VSIG10L: variants seen among roughly 807,000 people sequenced by gnomAD.
The protein encoded by VSIG10L is V-set and immunoglobulin domain-containing protein 10-like.
VSIG10L carries 63 observed loss-of-function variants against 67.3 expected under a neutral mutation model. That is an observed-to-expected ratio of 0.94 (90% CI 0.76 to 1.15). The LOEUF is 1.15. VSIG10L is among the 50% of genes most tolerant of loss of function. The pLI is 0.00. For missense variants in VSIG10L, 1,050 were observed against 1,177.5 expected (o/e 0.89, Z 1.58); for synonymous variants, 499 against 524.9 (o/e 0.95, Z 0.67).
In VSIG10L at chr19:51,341,922, C is replaced by T; in HGVS notation, c.126G>A (p.Lys42=). Residue 42 remains lysine (K), a synonymous_variant, in exon 2 of 10, where the codon AAG becomes AAA. Transcript: ENST00000335624. The part of the protein sequence containing the change: ...NFSSAFSSDS[K]SSSQGLGVEV... Reference sequence around the variant, plus strand: ...CCACACCCAGCCCCTGGGAAGAGCTCTTTGAGTCTGAAGAGAAGGCAGAGG... The same window carrying T: ...CCACACCCAGCCCCTGGGAAGAGCTTTTTGAGTCTGAAGAGAAGGCAGAGG... 1 of 1,551,656 alleles carries T rather than the reference C, an allele frequency of 6.4e-7. No individual in the cohort carries two copies. Among genetic ancestry groups the T allele is most frequent in the Non-Finnish European group, 8.7e-7 (1 of 1,146,986 alleles).
rs1384998754 is a variant in VSIG10L at position 51,337,307 on chromosome 19, T to C, written c.2236A>G (p.Thr746Ala). 6.4e-7 allele frequency: 1 copy of C among 1,551,342 alleles called. No individual in the cohort carries two copies. The highest frequency in any genetic ancestry group is 8.7e-7 in the Non-Finnish European group (1 of 1,146,944). Residue 746 changes from threonine to alanine, a missense_variant, in exon 7 of 10, where the codon ACC becomes GCC. Around this residue, in one of 3 missense-constraint regions of VSIG10L, gnomAD observed 529 missense variants for 584.9 expected, o/e 0.90. Coordinates refer to ENST00000335624, the MANE Select transcript of VSIG10L (RefSeq NM_001163922.3). The part of the protein sequence containing the change: ...PLPPRNPGTW[T>A]FRILPILGGQ... Reference sequence around the variant, plus strand: ...CCCAGGATGGGCAGGATCCGAAAGGTCCAGGTCCCTGGGTTCCGAGGTGGA... The same window carrying C: ...CCCAGGATGGGCAGGATCCGAAAGGCCCAGGTCCCTGGGTTCCGAGGTGGA...
chr19:51,338,896 A>G lies in VSIG10L; in HGVS notation c.1721T>C (p.Val574Ala). 7.1e-7 allele frequency: 1 copy of G among 1,408,890 alleles called. No homozygotes were observed. Among genetic ancestry groups the G allele is most frequent in the African/African-American group, 1.5e-5 (1 of 66,084 alleles). The allele number at this position is 1,408,890 out of a possible 1,614,324, so 87.3% of individuals were successfully genotyped here. ...GCCCCGCGCCCTCTCACCCGGCGTGACTGTGCAGGTACGCGTGGCCACCAG... is the reference window on the plus strand; with the variant it reads ...GCCCCGCGCCCTCTCACCCGGCGTGGCTGTGCAGGTACGCGTGGCCACCAG... ...RHLVATRTCT[V>A]TPEAPREVLL... is the part of the protein sequence containing the mutation. Residue 574 changes from valine to alanine, a missense_variant, in exon 5 of 10, where the codon GTC becomes GCC. Val to Ala is a moderately conservative substitution (Grantham distance 64). This residue lies in a region of VSIG10L where 529 missense variants were observed against 584.9 expected (regional missense o/e 0.90). Coordinates refer to ENST00000335624, the MANE Select transcript of VSIG10L (RefSeq NM_001163922.3).
intron 7 of VSIG10L, among the ~76,000 whole-genome samples, chr19:51,335,482 TA>T (rs1398779326): frequency 1.3e-5 from 2 of 152,122 alleles, no homozygotes. Flanking sequence ...TGCTGGCAAT[TA>T]GGATGTCAGG....
rs867834917 is a variant in VSIG10L at position 51,342,046 on chromosome 19, A to C, written c.40+39T>G. 2 of 1,551,754 alleles carry C rather than the reference A, an allele frequency of 1.3e-6. No individual in the cohort carries two copies. The highest frequency in any genetic ancestry group is 1.4e-5 in the African/African-American group (1 of 73,144). On this transcript the variant is annotated intron_variant, in intron 1 of 9. Transcript: ENST00000335624. The surrounding 1 kb of genome is among the most constrained non-coding windows in gnomAD (Gnocchi z 4.4). Reference sequence around the variant, plus strand: ...AGGAAGGCATTGGGGGAGGCTGCTGAGGGAGACTGACAGGGAAGGGACTGA... The same window carrying C: ...AGGAAGGCATTGGGGGAGGCTGCTGCGGGAGACTGACAGGGAAGGGACTGA...
At chr19:51,334,930 C>T (rs1462137660) in intron 7 of VSIG10L, among the ~76,000 whole-genome samples, 1 of 152,074 alleles carries the variant, frequency 6.6e-6, no homozygotes, top group Non-Finnish European at 1.5e-5. Flanking sequence ...CAAAGTGAGA[C>T]CTTCTCTCAA....
In VSIG10L at chr19:51,339,744, G is replaced by C. The variant is rs1394954161; in HGVS notation, c.1474+271C>G. On this transcript the variant is annotated intron_variant, in intron 4 of 9. Coordinates refer to ENST00000335624, the MANE Select transcript of VSIG10L (RefSeq NM_001163922.3). Reference sequence around the variant, plus strand: ...CTCTCAGTGCTGGGCCGGCCCGTCAGTCCTGGTCATCCCTGCCACTCTATT... The same window carrying C: ...CTCTCAGTGCTGGGCCGGCCCGTCACTCCTGGTCATCCCTGCCACTCTATT... 1.5e-5 allele frequency: 5 copies of C among 338,250 alleles called. No homozygotes were observed. In the Middle Eastern group the frequency reaches 2.5e-3, roughly 169 times the overall value. The allele number at this position is 338,250 out of a possible 1,614,324, so 21.0% of individuals were successfully genotyped here.
intron 7 of VSIG10L, among the ~76,000 whole-genome samples, chr19:51,334,641 A>G (rs980745010): frequency 2.0e-5 from 3 of 152,186 alleles, no homozygotes; most frequent in African/African-American, 7.2e-5. Context: ...AGAAAAAGTG[A>G]TGTGATAGAG....
chr19:51,332,532 C>A lies in VSIG10L; in HGVS notation c.*79G>T, dbSNP rs1046109563. On this transcript the variant is annotated 3_prime_UTR_variant, in exon 10 of 10. Transcript: ENST00000335624. ...GCTGGAGTGAAATAGGAAGTTCTGGCCCAAAACGCCCTGTGCAGGGCAGAC... is the reference window on the plus strand; with the variant it reads ...GCTGGAGTGAAATAGGAAGTTCTGGACCAAAACGCCCTGTGCAGGGCAGAC... The A allele has an allele frequency of 7.9e-6, 12 of 1,519,054 alleles. No individual in the cohort carries two copies. The Admixed American group carries it at 9.8e-5, about 12-fold the overall frequency. 94.1% of individuals were successfully genotyped at this position (1,519,054 alleles called of 1,614,324 possible).
Position 51,337,343 on chromosome 19 carries a change from C to A in VSIG10L, c.2200G>T (p.Val734Leu), listed in dbSNP as rs201902240. Residue 734 changes from valine (V) to leucine (L), a missense_variant, in exon 7 of 10, where the codon GTG becomes TTG. By Grantham distance (32) the Val-to-Leu change is conservative. This residue lies in a region of VSIG10L where 529 missense variants were observed against 584.9 expected (regional missense o/e 0.90). Transcript: ENST00000335624. ...GGGTTCCGAGGTGGAAGGGGCACCA[C>A]GGCTGACCGCTCCTGAGGCCCCAGG... ...LILGPQERSA[V>L]VPLPPRNPGT... 15 of 1,551,448 alleles carry A rather than the reference C, an allele frequency of 9.7e-6. No homozygotes were observed. In the African/African-American group the frequency reaches 1.9e-4, roughly 20 times the overall value.
rs1335089162 is a variant in VSIG10L, at chr19:51,337,472, C to T, written c.2071G>A (p.Val691Met). The change falls in exon 7 of 10, where the codon GTG becomes ATG. Residue 691 changes from valine (V) to methionine (M), a missense_variant. Val to Met is a conservative substitution (Grantham distance 21). Around this residue, in one of 3 missense-constraint regions of VSIG10L, gnomAD observed 529 missense variants for 584.9 expected, o/e 0.90. Coordinates refer to ENST00000335624, the MANE Select transcript of VSIG10L (RefSeq NM_001163922.3). ...CTGCTGATCAGGGCCCCGCGCTCCA[C>T]ATCCCAAGTCAGCACGGCTGCATCT... ...ARDAAVLTWD[V>M]ERGALISSFE... 1.2e-5 allele frequency: 18 copies of T among 1,550,768 alleles called. No homozygotes were observed. The South Asian group carries it at 1.8e-4, about 15-fold the overall frequency.
In VSIG10L at chr19:51,337,453, A is replaced by G. The variant is rs1985511686; in HGVS notation, c.2090T>C (p.Ile697Thr). 6.4e-7 allele frequency: 1 copy of G among 1,551,526 alleles called. No homozygotes were observed. Among genetic ancestry groups the G allele is most frequent in the African/African-American group, 1.4e-5 (1 of 72,998 alleles). ...CCATGCCTGGATCTCAAAACTGCTG[A>G]TCAGGGCCCCGCGCTCCACATCCCA... ...LTWDVERGAL[I>T]SSFEIQAWPD... Residue 697 changes from isoleucine (I) to threonine (T), a missense_variant, in exon 7 of 10, where the codon ATC becomes ACC. Transcript: ENST00000335624.
chr19:51,341,875 G>T lies in VSIG10L; in HGVS notation c.173C>A (p.Pro58His). 20 of 1,551,650 alleles carry T rather than the reference G, an allele frequency of 1.3e-5. No homozygotes were observed. Among genetic ancestry groups the T allele is most frequent in the Non-Finnish European group, 1.7e-5 (19 of 1,146,972 alleles). The change falls in exon 2 of 10, where the codon CCC (proline) becomes CAC (histidine). Residue 58 changes from proline to histidine, a missense_variant. By Grantham distance (77) the Pro-to-His change is moderately conservative (BLOSUM62 -2). Around this residue, in one of 3 missense-constraint regions of VSIG10L, gnomAD observed 511 missense variants for 557.9 expected, o/e 0.92. Coordinates refer to ENST00000335624, the MANE Select transcript of VSIG10L (RefSeq NM_001163922.3). ...LGVEVPSIKP[P>H]SWKVPDQFLD... Reference sequence around the variant, plus strand: ...GAACTGATCTGGAACTTTCCAGCTGGGAGGTTTGATGGAGGGAACTTCCAC... The same window carrying T: ...GAACTGATCTGGAACTTTCCAGCTGTGAGGTTTGATGGAGGGAACTTCCAC...
chr19:51,340,343 G>T lies in VSIG10L; in HGVS notation c.1190-44C>A. 6.8e-7 allele frequency: 1 copy of T among 1,475,656 alleles called. No individual in the cohort carries two copies. Among genetic ancestry groups the T allele is most frequent in the Non-Finnish European group, 9.0e-7 (1 of 1,114,732 alleles). The allele number at this position is 1,475,656 out of a possible 1,614,324, so 91.4% of individuals were successfully genotyped here. On this transcript the variant is annotated intron_variant, in intron 3 of 9. Transcript: ENST00000335624. This position sits in a 1 kb window ranked among gnomAD's most constrained non-coding sequence, Gnocchi z 6.3. ...GGGACCGCGAGTGTCAGGGTCACCT[G>T]GGACGCCGCTAGGACTCCCGGAGAC...
chr19:51,337,296 G>A lies in VSIG10L; in HGVS notation c.2247C>T (p.Ile749=), dbSNP rs1410595967. ...PRNPGTWTFR[I]LPILGGQPGT... is the part of the protein sequence containing the mutation. ...CTGGCTGGCCCCCCAGGATGGGCAG[G>A]ATCCGAAAGGTCCAGGTCCCTGGGT... The change falls in exon 7 of 10, where the codon ATC becomes ATT. Residue 749 remains isoleucine (I), a synonymous_variant. Transcript: ENST00000335624. 6.4e-7 allele frequency: 1 copy of A among 1,551,524 alleles called. No individual in the cohort carries two copies. The highest frequency in any genetic ancestry group is 8.7e-7 in the Non-Finnish European group (1 of 1,146,894).
In VSIG10L at chr19:51,332,505, C is replaced by T; in HGVS notation, c.*106G>A. ...CCTCAGTCATAGCAGGCCCTGGCTG[C>T]TGCTGGAGTGAAATAGGAAGTTCTG... On this transcript the variant is annotated 3_prime_UTR_variant, in exon 10 of 10. Coordinates refer to ENST00000335624, the MANE Select transcript of VSIG10L (RefSeq NM_001163922.3). The T allele has an allele frequency of 7.5e-7, 1 of 1,340,806 alleles. No homozygotes were observed. Among genetic ancestry groups the T allele is most frequent in the Non-Finnish European group, 1.0e-6 (1 of 955,490 alleles). The allele number at this position is 1,340,806 out of a possible 1,614,324, so 83.1% of individuals were successfully genotyped here.
chr19:51,335,431 G>C (rs1238467524), intron 7 of VSIG10L, among the ~76,000 whole-genome samples: 2 of 152,202 alleles, frequency 1.3e-5, no homozygotes, highest in African/African-American at 4.8e-5. Flanking sequence ...GAGCCTTGGG[G>C]TGAAGATGGA....
In VSIG10L at chr19:51,337,930, C is replaced by G. The variant is rs780943230; in HGVS notation, c.2008G>C (p.Gly670Arg). 2 of 1,540,854 alleles carry G rather than the reference C, an allele frequency of 1.3e-6. No individual in the cohort carries two copies. Among genetic ancestry groups the G allele is most frequent in the South Asian group, 1.2e-5 (1 of 83,154 alleles). ...GGTTTTTTGAAATAACGTGGCTCAC[C>G]AATGAGGGTGATCTGGTCACCGCCA... ...GAGGDQITLI[G>R]PSISSWRLQR... The change falls in exon 6 of 10, where the codon GGA becomes CGA. Residue 670 changes from glycine to arginine, a missense_variant and splice_region_variant. Transcript: ENST00000335624.
rs1468970731 is a variant in VSIG10L at position 51,338,888 on chromosome 19, C to T, written c.1729G>A (p.Glu577Lys). ...VATRTCTVTP[E>K]APREVLLHPL... ...GCAAAAAAGCCCCGCGCCCTCTCAC[C>T]CGGCGTGACTGTGCAGGTACGCGTG... is the stretch of plus-strand genomic sequence containing the variant. The change falls in exon 5 of 10, where the codon GAG becomes AAG. Residue 577 changes from glutamate (E) to lysine (K), a missense_variant and splice_region_variant. Physicochemically the swap from Glu to Lys is moderately conservative, Grantham distance 56. Transcript: ENST00000335624. 2.9e-6 allele frequency: 4 copies of T among 1,388,792 alleles called. No homozygotes were observed. In the African/African-American group the frequency reaches 4.6e-5, roughly 16 times the overall value. The allele number at this position is 1,388,792 out of a possible 1,614,324, so 86.0% of individuals were successfully genotyped here.
At position 51,340,180 on chromosome 19, in the gene VSIG10L, C is replaced by T. The variant is rs1322589949; in HGVS notation, c.1309G>A (p.Asp437Asn). 9.7e-6 allele frequency: 14 copies of T among 1,439,352 alleles called. No homozygotes were observed. Among genetic ancestry groups the T allele is most frequent in the African/African-American group, 1.5e-5 (1 of 67,832 alleles). 89.2% of individuals were successfully genotyped at this position (1,439,352 alleles called of 1,614,324 possible). ...GGGTCCGCCAGGCTCCACGTGATGT[C>T]GGCGGGCGGCCGCGAGGCGGCGGCG... The part of the protein sequence containing the change: ...RCAAASRPPA[D>N]ITWSLADPAE... Residue 437 changes from aspartate to asparagine, a missense_variant, in exon 4 of 10, where the codon GAC becomes AAC. This residue lies in a region of VSIG10L where 10 missense variants were observed against 34.7 expected (regional missense o/e 0.29). Transcript: ENST00000335624. The surrounding 1 kb of genome is among the most constrained non-coding windows in gnomAD (Gnocchi z 6.3).
Sources: allele counts gnomAD v4.1 joint callset (sites outside exome capture counted in the v4.1 genomes callset), GRCh38; gene constraint gnomAD v4.1.1; regional missense constraint gnomAD v4.1.1; non-coding constraint Gnocchi (gnomAD v3.1); transcripts MANE v1.5; gene names NCBI Gene and HGNC (gene_info 2026-07-23, HGNC 2026-07-21).